The following SENP7 variants were observed in gnomAD, a reference collection of about 807,000 sequenced individuals.
The protein encoded by SENP7 is SUMO specific peptidase 7, also known as sentrin-specific protease 7.
SENP7 carries 64 observed loss-of-function variants against 141.2 expected under a neutral mutation model. The ratio of observed to expected loss-of-function variants is 0.45; its 90% CI spans 0.37 to 0.56. The LOEUF (loss-of-function observed/expected upper bound fraction) is 0.56, where lower values mean the gene tolerates loss of function less well. SENP7 is among the 20% of genes least tolerant of loss of function. The pLI is 0.00. For synonymous variants in SENP7, 382 were observed against 426.4 expected, an observed-to-expected ratio of 0.90 and a Z score of 1.28; for missense variants, 1,025 against 1,212.2, an observed-to-expected ratio of 0.85 and a Z score of 2.29.
At chr3:101,346,683 A>G (rs2107231193) in intron 13 of SENP7, among the ~76,000 whole-genome samples, 1 of 152,232 alleles carries the variant, frequency 6.6e-6, no homozygotes, top group South Asian at 2.1e-4. Context: ...CCATGTTCTC[A>G]GTTATAAGTG....
At chr3:101,329,869 C>T (rs961620887) in intron 20 of SENP7, among the ~76,000 whole-genome samples, 2 of 148,568 alleles carry the variant, frequency 1.3e-5, no homozygotes, top group African/African-American at 5.0e-5. Context: ...GCAGGAGAAT[C>T]GCTTGAATCC....
chr3:101,360,790 A>G (rs773673049), intron 11 of SENP7, among the ~76,000 whole-genome samples: 2 of 152,252 alleles, frequency 1.3e-5, no homozygotes, highest in Non-Finnish European at 2.9e-5. Context: ...AGTGTATAGC[A>G]AAGGGAGAAG....
At chr3:101,433,766 C>A (rs973883398) in intron 4 of SENP7, among the ~76,000 whole-genome samples, 1 of 151,942 alleles carries the variant, frequency 6.6e-6, no homozygotes, top group Non-Finnish European at 1.5e-5. Context: ...CCCAGATATA[C>A]CAAGGAAATA....
At chr3:101,352,369 T>C (rs2059633735) in intron 11 of SENP7, among the ~76,000 whole-genome samples, 1 of 152,042 alleles carries the variant, frequency 6.6e-6, no homozygotes, top group Admixed American at 6.6e-5. Context: ...GAACAACCTC[T>C]TCCCTGGATG....
chr3:101,399,728 T>C (rs1206134253), intron 5 of SENP7, among the ~76,000 whole-genome samples: 8 of 152,206 alleles, frequency 5.3e-5, no homozygotes, highest in Non-Finnish European at 1.2e-4. Context: ...CTGGCCCAAG[T>C]AATCCTCCTA....
At chr3:101,450,150 A>C (rs1362937083) in intron 4 of SENP7, among the ~76,000 whole-genome samples, 1 of 152,208 alleles carries the variant, frequency 6.6e-6, no homozygotes, top group African/African-American at 2.4e-5. Flanking sequence ...TCAATTCAAC[A>C]AGAAGAGCTA....
At chr3:101,380,007 T>G (rs979866404) in intron 6 of SENP7, among the ~76,000 whole-genome samples, 1 of 152,210 alleles carries the variant, frequency 6.6e-6, no homozygotes, top group African/African-American at 2.4e-5. Flanking sequence ...AAGAACATTC[T>G]GACACATGCT....
At chr3:101,490,162 G>A (rs1398855174) in intron 3 of SENP7, among the ~76,000 whole-genome samples, 1 of 149,522 alleles carries the variant, frequency 6.7e-6, no homozygotes, top group Non-Finnish European at 1.5e-5. Context: ...TCCAGCCTGG[G>A]CAACAAGGGG....
chr3:101,427,751 G>T (rs1405465487), intron 4 of SENP7, among the ~76,000 whole-genome samples: 3 of 151,620 alleles, frequency 2.0e-5, no homozygotes, highest in African/African-American at 4.9e-5. Flanking sequence ...CAACATGCAG[G>T]TCTGTTACAT....
At position 101,367,852 on chromosome 3, in the gene SENP7, AAAG is replaced by A. The variant is rs2060078315; in HGVS notation, c.953_955del (p.Ser318del). 5 of 1,603,050 alleles carry A rather than the reference AAAG, an allele frequency of 3.1e-6. No homozygotes were observed. In the African/African-American group the frequency reaches 4.0e-5, roughly 13 times the overall value. ...TACTGTCTGTTCTGTTGACTTATCCAAAGAAGTACAATATTGAGAATCAGGTAA... is the reference window on the plus strand; with the variant it reads ...TACTGTCTGTTCTGTTGACTTATCCAAAGTACAATATTGAGAATCAGGTAA... On this transcript the variant is annotated inframe_deletion, in exon 8 of 24. Coordinates refer to ENST00000394095, the MANE Select transcript of SENP7 (RefSeq NM_020654.5).
chr3:101,455,100 A>G (rs1256725002), intron 4 of SENP7, among the ~76,000 whole-genome samples: 1 of 152,206 alleles, frequency 6.6e-6, no homozygotes, highest in African/African-American at 2.4e-5. Flanking sequence ...TTCCAAAGTA[A>G]TACAAACATA....
chr3:101,498,521 A>G (rs1325776850), intron 2 of SENP7, among the ~76,000 whole-genome samples: 1 of 152,242 alleles, frequency 6.6e-6, no homozygotes, highest in African/African-American at 2.4e-5. Flanking sequence ...AATACTGTCC[A>G]GTTTTCTTCA....
At chr3:101,453,956 C>G (rs780196906) in intron 4 of SENP7, among the ~76,000 whole-genome samples, 3 of 149,738 alleles carry the variant, frequency 2.0e-5, no homozygotes, top group Non-Finnish European at 4.4e-5. Flanking sequence ...GCAAACAAAA[C>G]CACAATGAGA....
At chr3:101,448,136 A>C (rs1304947865) in intron 4 of SENP7, among the ~76,000 whole-genome samples, 6 of 152,230 alleles carry the variant, frequency 3.9e-5, no homozygotes, top group African/African-American at 1.4e-4. Context: ...TAAAACTATA[A>C]AACTCTTAGA....
intron 3 of SENP7, among the ~76,000 whole-genome samples, chr3:101,463,400 T>TATATATATACAC (rs2063648811): frequency 6.4e-5 from 5 of 77,988 alleles, no homozygotes; most frequent in Admixed American, 1.6e-4. Context: ...TATATATACA[T>TATATATATACAC]ATATATATAT....
intron 4 of SENP7, among the ~76,000 whole-genome samples, chr3:101,421,267 A>G (rs559803170): frequency 6.6e-6 from 1 of 152,264 alleles, no homozygotes; most frequent in South Asian, 2.1e-4. Context: ...ATCTATATAC[A>G]TGCATAAAGA....
intron 6 of SENP7, among the ~76,000 whole-genome samples, chr3:101,390,287 C>A (rs2060780818): frequency 6.8e-6 from 1 of 146,356 alleles, no homozygotes; most frequent in African/African-American, 2.5e-5. Context: ...TTTAAAATGA[C>A]CCAATTCAAC....
At chr3:101,459,841 C>T (rs1220531635) in intron 3 of SENP7, among the ~76,000 whole-genome samples, 1 of 151,968 alleles carries the variant, frequency 6.6e-6, no homozygotes, top group Non-Finnish European at 1.5e-5. Flanking sequence ...AGAAAACTTG[C>T]AGGATATAAG....
intron 2 of SENP7, among the ~76,000 whole-genome samples, chr3:101,500,619 C>T (rs1055986355): frequency 1.6e-4 from 25 of 152,020 alleles, no homozygotes; most frequent in African/African-American, 5.1e-4. Context: ...GTAGAAACTT[C>T]GTTTTGTTTG....
Sources: allele counts gnomAD v4.1 joint callset (sites outside exome capture counted in the v4.1 genomes callset), GRCh38; gene constraint gnomAD v4.1.1; transcripts MANE v1.5; gene names NCBI Gene and HGNC (gene_info 2026-07-23, HGNC 2026-07-21).